AGBL4: variants seen among roughly 807,000 people sequenced by gnomAD.
The protein encoded by AGBL4 is cytosolic carboxypeptidase 6.
AGBL4 carries 58 observed loss-of-function variants against 66.4 expected under a neutral mutation model. That is an observed-to-expected ratio of 0.87 (90% CI 0.71 to 1.09). AGBL4 has a LOEUF of 1.09. AGBL4 is among the 50% of genes least tolerant of loss of function. The pLI is 0.00. For synonymous variants in AGBL4, 234 were observed against 222.9 expected (o/e 1.05, Z -0.44); for missense variants, 579 against 631.0 (o/e 0.92, Z 0.88).
chr1:49,865,093 A>G (rs1204547404), intron 1 of AGBL4, among the ~76,000 whole-genome samples: 2 of 152,132 alleles, frequency 1.3e-5, no homozygotes, highest in African/African-American at 4.8e-5. Flanking sequence ...TTTACGGACA[A>G]AACTCTGATC....
intron 2 of AGBL4, among the ~76,000 whole-genome samples, chr1:49,806,585 A>G (rs1047232289): frequency 5.7e-4 from 87 of 152,248 alleles, no homozygotes; most frequent in Admixed American, 1.3e-4. Context: ...ACAAATGAGA[A>G]AGCATGTTTG....
At chr1:49,842,149 C>G in intron 2 of AGBL4, 3 of 390,708 alleles carry the variant, frequency 7.7e-6, no homozygotes, top group Non-Finnish European at 1.5e-5. Flanking sequence ...AAAGGACCAC[C>G]CACACTGCAT....
intron 4 of AGBL4, among the ~76,000 whole-genome samples, chr1:49,107,718 AGAGAGAG>A (rs1645324654): frequency 6.6e-6 from 1 of 151,146 alleles, no homozygotes; most frequent in Non-Finnish European, 1.5e-5. Context: ...AGAGAGAGAG[AGAGAGAG>A]AGAGAGAGAG....
rs1442298983 is a variant in AGBL4 at position 48,539,384 on chromosome 1, C to G, written c.1364+258G>C. On this transcript the variant is annotated intron_variant, in intron 12 of 13. Coordinates refer to ENST00000371839, the MANE Select transcript of AGBL4 (RefSeq NM_032785.4). Reference sequence around the variant, plus strand: ...ACAATGACTGAACTCAGCTCCCCAGCAAGCCCCATCCCTGTGGATTCCTAA... The same window carrying G: ...ACAATGACTGAACTCAGCTCCCCAGGAAGCCCCATCCCTGTGGATTCCTAA... 2.6e-5 allele frequency among the ~76,000 whole-genome samples: 4 copies of G among 152,204 alleles called. No homozygotes were observed. The East Asian group carries it at 7.7e-4, about 29-fold the overall frequency.
chr1:49,672,158 A>G (rs890087045), intron 3 of AGBL4, among the ~76,000 whole-genome samples: 13 of 152,222 alleles, frequency 8.5e-5, no homozygotes, highest in African/African-American at 2.4e-4. Flanking sequence ...GCAGCCACAA[A>G]AAAGAATAAG....
chr1:49,092,655 A>T (rs1357281419), intron 4 of AGBL4, among the ~76,000 whole-genome samples: 1 of 152,138 alleles, frequency 6.6e-6, no homozygotes, highest in Non-Finnish European at 1.5e-5. Context: ...TCATTATCAG[A>T]CTATCTTGGA....
chr1:48,857,602 T>C (rs994490161), intron 6 of AGBL4, among the ~76,000 whole-genome samples: 5 of 151,948 alleles, frequency 3.3e-5, no homozygotes, highest in African/African-American at 1.2e-4. Context: ...GCGCCTGCAG[T>C]CCCAGCTACT....
chr1:49,357,681 G>C (rs2148530150), intron 3 of AGBL4, among the ~76,000 whole-genome samples: 2 of 152,202 alleles, frequency 1.3e-5, no homozygotes, highest in South Asian at 4.1e-4. Flanking sequence ...TTTGCACTGA[G>C]GTCACATAAC....
At chr1:49,872,158 A>C (rs1646852355) in intron 1 of AGBL4, among the ~76,000 whole-genome samples, 1 of 152,036 alleles carries the variant, frequency 6.6e-6, no homozygotes, top group Non-Finnish European at 1.5e-5. Flanking sequence ...GAGTCAAGAA[A>C]ATTTTTTTAA....
At chr1:48,661,712 C>T (rs1260383784) in intron 7 of AGBL4, among the ~76,000 whole-genome samples, 1 of 152,232 alleles carries the variant, frequency 6.6e-6, no homozygotes, top group Non-Finnish European at 1.5e-5. Flanking sequence ...TCTCTGTCTA[C>T]TGCCCACAGG....
intron 1 of AGBL4, among the ~76,000 whole-genome samples, chr1:49,910,734 G>C (rs1650735870): frequency 1.3e-5 from 2 of 152,114 alleles, no homozygotes; most frequent in African/African-American, 4.8e-5. Context: ...CCAGCACTTT[G>C]GGAGGCCGAG....
At chr1:49,259,984 G>A (rs1652961326) in intron 3 of AGBL4, among the ~76,000 whole-genome samples, 1 of 151,958 alleles carries the variant, frequency 6.6e-6, no homozygotes, top group African/African-American at 2.4e-5. Context: ...AATCAAACTA[G>A]AACTCAGGAT....
chr1:49,774,732 C>A (rs1329946400), intron 2 of AGBL4, among the ~76,000 whole-genome samples: 3 of 152,096 alleles, frequency 2.0e-5, no homozygotes, highest in African/African-American at 7.2e-5. Flanking sequence ...CAAGTGAAGA[C>A]AGGTTATGCA....
At chr1:50,004,316 G>A (rs901399825) in intron 1 of AGBL4, among the ~76,000 whole-genome samples, 2 of 152,128 alleles carry the variant, frequency 1.3e-5, no homozygotes, top group Admixed American at 1.3e-4. Flanking sequence ...CACCACCATG[G>A]ACAAAAGGGC....
intron 6 of AGBL4, among the ~76,000 whole-genome samples, chr1:48,694,453 A>G (rs907535165): frequency 5.3e-5 from 8 of 152,204 alleles, no homozygotes; most frequent in Admixed American, 1.3e-4. Flanking sequence ...AATGGGGATA[A>G]TCATCCTATC....
intron 4 of AGBL4, among the ~76,000 whole-genome samples, chr1:49,060,564 G>C (rs915177909): frequency 6.6e-6 from 1 of 152,054 alleles, no homozygotes; most frequent in African/African-American, 2.4e-5. Flanking sequence ...ACCTAAGCCT[G>C]GTTACTAAGA....
At chr1:49,848,659 G>A (rs1456605218) in intron 2 of AGBL4, among the ~76,000 whole-genome samples, 1 of 152,134 alleles carries the variant, frequency 6.6e-6, no homozygotes, top group Admixed American at 6.5e-5. Context: ...ACTCAGAAGG[G>A]TAGGAGGGGT....
intron 11 of AGBL4, among the ~76,000 whole-genome samples, chr1:48,540,685 C>T (rs529827576): frequency 6.6e-6 from 1 of 152,292 alleles, no homozygotes; most frequent in African/African-American, 2.4e-5. Context: ...GTTTACTCAG[C>T]TTAATCCTTA....
At chr1:49,833,577 C>T (rs1645758153) in intron 2 of AGBL4, among the ~76,000 whole-genome samples, 1 of 151,506 alleles carries the variant, frequency 6.6e-6, no homozygotes, top group Non-Finnish European at 1.5e-5. Context: ...TGTAAATTAC[C>T]TTGGGCAGTA....
Sources: allele counts gnomAD v4.1 joint callset (sites outside exome capture counted in the v4.1 genomes callset), GRCh38; gene constraint gnomAD v4.1.1; transcripts MANE v1.5; gene names NCBI Gene and HGNC (gene_info 2026-07-23, HGNC 2026-07-21).